ATG14: variants seen among roughly 807,000 people sequenced by gnomAD.
ATG14 encodes autophagy related 14.
ATG14 carries 35 observed loss-of-function variants against 60.4 expected under a neutral mutation model. That is an observed-to-expected ratio of 0.58 (90% CI 0.44 to 0.77). ATG14 has a LOEUF of 0.77. Among genes scored for constraint, ATG14 ranks in the 30% least tolerant of loss-of-function variants. ATG14 has a pLI of 0.00. For synonymous variants in ATG14, 234 were observed against 228.8 expected (o/e 1.02, Z -0.21); for missense variants, 647 against 626.3 (o/e 1.03, Z -0.35).
At position 55,380,841 on chromosome 14, in the gene ATG14, T is replaced by C. The variant is rs530073064; in HGVS notation, c.878-151A>G. ...ATGCTCCATGACCAGACATAAATGG[T>C]CCATTCTTTGTGTGTATATATATAT... On this transcript the variant is annotated intron_variant, in intron 6 of 9. Transcript: ENST00000247178. The C allele has an allele frequency of 1.1e-3, 294 of 264,506 alleles. 2 individuals are homozygous for C. Among genetic ancestry groups the C allele is most frequent in the Non-Finnish European group, 7.3e-4 (108 of 147,080 alleles). The allele number at this position is 264,506 out of a possible 1,614,324, so 16.4% of individuals were successfully genotyped here.
chr14:55,390,563 G>A (rs1885197472), intron 4 of ATG14, among the ~76,000 whole-genome samples: 1 of 151,896 alleles, frequency 6.6e-6, no homozygotes, highest in African/African-American at 2.4e-5. Context: ...AGTAGAGACG[G>A]AGTTTCACCA....
At position 55,368,148 on chromosome 14, in the gene ATG14, T is replaced by C. The variant is rs1884725526; in HGVS notation, c.*1471A>G. ...TATTTGTACATAATGCCTCTCTCAT[T>C]ATAGTTTTCTTGTAAGATTGTCACT... On this transcript the variant is annotated 3_prime_UTR_variant, in exon 10 of 10. Transcript: ENST00000247178. 6.6e-6 allele frequency: 1 copy of C among 151,168 alleles called. No homozygotes were observed. 9.4% of individuals were successfully genotyped at this position (151,168 alleles called of 1,614,324 possible).
intron 1 of ATG14, among the ~76,000 whole-genome samples, chr14:55,408,308 AGTTAGG>A (rs1467193754): frequency 1.3e-5 from 2 of 152,040 alleles, no homozygotes; most frequent in Non-Finnish European, 2.9e-5. Context: ...CAAAAAAACT[AGTTAGG>A]CGTGTTGATG....
intron 5 of ATG14, among the ~76,000 whole-genome samples, chr14:55,383,259 T>G (rs528144363): frequency 6.6e-6 from 1 of 151,326 alleles, no homozygotes; most frequent in African/African-American, 2.4e-5. Context: ...AGAAAGAAAA[T>G]AAACAACAGG....
chr14:55,387,476 A>G (rs945237356), intron 4 of ATG14, among the ~76,000 whole-genome samples: 3 of 152,058 alleles, frequency 2.0e-5, no homozygotes, highest in African/African-American at 7.2e-5. Flanking sequence ...TCGGAACCCT[A>G]TGGTAATGTG....
intron 9 of ATG14, among the ~76,000 whole-genome samples, chr14:55,371,581 C>G (rs949693208): frequency 4.0e-5 from 6 of 151,848 alleles, no homozygotes; most frequent in African/African-American, 1.5e-4. Context: ...CTGCGGCGGG[C>G]AGATCACGAG....
chr14:55,377,522 G>A (rs189168268), intron 9 of ATG14, among the ~76,000 whole-genome samples: 1 of 152,132 alleles, frequency 6.6e-6, no homozygotes, highest in African/African-American at 2.4e-5. Context: ...CCAAAGACAT[G>A]GCCTTTGGAC....
At chr14:55,406,057 C>T (rs1004288293) in intron 1 of ATG14, among the ~76,000 whole-genome samples, 1 of 152,164 alleles carries the variant, frequency 6.6e-6, no homozygotes, top group African/African-American at 2.4e-5. Flanking sequence ...AGGTATTTCT[C>T]AACTAATCTG....
intron 9 of ATG14, among the ~76,000 whole-genome samples, chr14:55,371,529 G>T (rs1046609730): frequency 6.6e-6 from 1 of 151,392 alleles, no homozygotes; most frequent in Non-Finnish European, 1.5e-5. Flanking sequence ...CCCTCAGGCC[G>T]GGCGCGGTGG....
rs150882390 is a variant in ATG14 at position 55,406,856 on chromosome 14, G to T, written c.221+4746C>A. On this transcript the variant is annotated intron_variant, in intron 1 of 9. Transcript: ENST00000247178. Reference sequence around the variant, plus strand: ...TCTTTTTTATTCTAAATTTTGAATGGTTATTTGCTTTATATTTTTCTGCTT... The same window carrying T: ...TCTTTTTTATTCTAAATTTTGAATGTTTATTTGCTTTATATTTTTCTGCTT... Among the ~76,000 whole-genome samples, 532 of 151,934 alleles carry T rather than the reference G, an allele frequency of 3.5e-3. 7 individuals are homozygous for T. Among genetic ancestry groups the T allele is most frequent in the African/African-American group, 0.012 (506 of 41,426 alleles).
At chr14:55,386,668 C>A (rs144557944) in intron 4 of ATG14, among the ~76,000 whole-genome samples, 4 of 152,154 alleles carry the variant, frequency 2.6e-5, no homozygotes, top group Non-Finnish European at 5.9e-5. Flanking sequence ...GACACGCATG[C>A]CCAGCATTTT....
chr14:55,409,628 C>A (rs1156780844), intron 1 of ATG14, among the ~76,000 whole-genome samples: 1 of 151,654 alleles, frequency 6.6e-6, no homozygotes, highest in Non-Finnish European at 1.5e-5. Context: ...TGTCTAAATA[C>A]CACTGCGAAG....
intron 9 of ATG14, among the ~76,000 whole-genome samples, chr14:55,371,216 A>G (rs951710033): frequency 6.6e-6 from 1 of 152,210 alleles, no homozygotes; most frequent in South Asian, 2.1e-4. Context: ...CAGAAATGAG[A>G]GCCTAGAATC....
chr14:55,404,511 C>T (rs1311024459), intron 1 of ATG14, among the ~76,000 whole-genome samples: 1 of 152,180 alleles, frequency 6.6e-6, no homozygotes, highest in African/African-American at 2.4e-5. Flanking sequence ...TTTATATAAT[C>T]ACATTTTATT....
At chr14:55,378,101 AG>A in intron 7 of ATG14, 27 bp from the exon 8 acceptor site, 2 of 1,597,420 alleles carry the variant, frequency 1.3e-6, no homozygotes, top group Non-Finnish European at 1.7e-6. Flanking sequence ...CAATTTATAA[AG>A]TTGCATTTTT....
intron 1 of ATG14, among the ~76,000 whole-genome samples, chr14:55,402,796 A>C (rs1885417802): frequency 7.0e-6 from 1 of 143,494 alleles, no homozygotes; most frequent in African/African-American, 2.6e-5. Flanking sequence ...GTGGTGGCTC[A>C]CACCTGTAAT....
intron 1 of ATG14, among the ~76,000 whole-genome samples, chr14:55,410,908 C>G (rs1014340653): frequency 4.3e-5 from 6 of 141,040 alleles, no homozygotes; most frequent in Non-Finnish European, 7.8e-5. Context: ...TTTTCTTAAC[C>G]AAGAACTTGT....
chr14:55,393,781 G>A (rs1340558194), intron 3 of ATG14, among the ~76,000 whole-genome samples: 1 of 151,794 alleles, frequency 6.6e-6, no homozygotes, highest in Non-Finnish European at 1.5e-5. Flanking sequence ...TTCAATTCCT[G>A]GGCTTGAGCA....
intron 5 of ATG14, among the ~76,000 whole-genome samples, chr14:55,385,130 T>C (rs1885101524): frequency 6.6e-6 from 1 of 152,214 alleles, no homozygotes; most frequent in African/African-American, 2.4e-5. Flanking sequence ...CCCCAAGCTC[T>C]AGATGTTTTC....
Sources: gnomAD v4.1 joint callset for allele counts (sites outside exome capture counted in the v4.1 genomes callset) on GRCh38, gnomAD v4.1.1 for gene constraint, MANE v1.5 for transcripts, NCBI Gene and HGNC (gene_info 2026-07-23, HGNC 2026-07-21) for gene names.